Variants in SETD5 observed in about 807,000 individuals in gnomAD.
The protein encoded by SETD5 is histone-lysine N-methyltransferase SETD5.
SETD5 carries 44 observed loss-of-function variants against 153.3 expected under a neutral mutation model. The ratio of observed to expected loss-of-function variants is 0.29; its 90% CI spans 0.23 to 0.37. SETD5 has a LOEUF of 0.37. Ranked by LOEUF, SETD5 falls within the 10% of genes least tolerant of loss-of-function variation. SETD5 has a pLI of 1.00. For missense variants in SETD5, 1,544 were observed against 1,768.0 expected (o/e 0.87, Z 2.27); for synonymous variants, 716 against 645.2 (o/e 1.11, Z -1.66).
Position 9,473,436 on chromosome 3 carries a change from A to G in SETD5, c.3396A>G (p.Pro1132=). 2 of 1,613,892 alleles carry G rather than the reference A, an allele frequency of 1.2e-6. No homozygotes were observed. The highest frequency in any genetic ancestry group is 1.7e-6 in the Non-Finnish European group (2 of 1,179,868). Residue 1132 remains proline (P), a synonymous_variant, in exon 20 of 23, where the codon CCA becomes CCG. Coordinates refer to ENST00000402198, the MANE Select transcript of SETD5 (RefSeq NM_001080517.3). ...CTTCCCCTCACAAAAAATTCTCCCC[A>G]TCTCATTCCTCTATGTCCCATTTGG... ...TPSSPHKKFS[P]SHSSMSHLEA... is the part of the protein sequence containing the mutation.
rs150687653 is a variant in SETD5 at position 9,450,923 on chromosome 3, T to C, written c.2346+2293T>C. Among the ~76,000 whole-genome samples, 380 of 152,244 alleles carry C rather than the reference T, an allele frequency of 2.5e-3. 2 individuals are homozygous for C. The highest frequency in any genetic ancestry group is 9.4e-3 in the Admixed American group (144 of 15,290). The stretch of plus-strand genomic sequence containing the variant: ...CTGCAACTTCTGAAAAGAAGAGGAG[T>C]TCAGGTATTTGACAGAACATTTTAT... On this transcript the variant is annotated intron_variant, in intron 16 of 22. Transcript: ENST00000402198.
chr3:9,445,727 C>T lies in SETD5; in HGVS notation c.1511C>T (p.Ala504Val), dbSNP rs1400709966. The T allele has an allele frequency of 6.2e-7, 1 of 1,612,634 alleles. No individual in the cohort carries two copies. The highest frequency in any genetic ancestry group is 1.7e-5 in the Admixed American group (1 of 59,814). ...GTTATAGATGACCAGGAGAACCTAG[C>T]TCATAGCAGGAGGGTGAGTACTGTC... ...EEVIDDQENL[A>V]HSRRTREDRK... The change falls in exon 13 of 23, where the codon GCT becomes GTT. Residue 504 changes from alanine to valine, a missense_variant. Ala to Val is a moderately conservative substitution (Grantham distance 64). Coordinates refer to ENST00000402198, the MANE Select transcript of SETD5 (RefSeq NM_001080517.3).
chr3:9,400,872 A>C (rs2034658797), intron 1 of SETD5, among the ~76,000 whole-genome samples: 1 of 152,206 alleles, frequency 6.6e-6, no homozygotes, highest in Non-Finnish European at 1.5e-5. Flanking sequence ...CTGATTAAGC[A>C]AAACAGTCTG....
intron 7 of SETD5, among the ~76,000 whole-genome samples, chr3:9,438,090 G>A (rs2125137591): frequency 6.6e-6 from 1 of 152,168 alleles, no homozygotes; most frequent in East Asian, 1.9e-4. Context: ...AAAGATTACA[G>A]GTAGCACTTT....
chr3:9,402,204 T>C (rs949600822), intron 1 of SETD5, among the ~76,000 whole-genome samples: 16 of 152,120 alleles, frequency 1.1e-4, no homozygotes, highest in African/African-American at 3.6e-4. Flanking sequence ...CCCAGTAACT[T>C]TGGGGGGAGG....
At chr3:9,460,128 A>G (rs936825041) in intron 17 of SETD5, among the ~76,000 whole-genome samples, 2 of 152,234 alleles carry the variant, frequency 1.3e-5, no homozygotes, top group South Asian at 4.1e-4. Flanking sequence ...TACAAATACT[A>G]TTATCTACCT....
At chr3:9,410,593 C>T (rs2036411452) in intron 1 of SETD5, among the ~76,000 whole-genome samples, 3 of 152,096 alleles carry the variant, frequency 2.0e-5, no homozygotes, top group Non-Finnish European at 2.9e-5. Flanking sequence ...AGCTTCTATC[C>T]TAGTGTCTTC....
At chr3:9,436,851 C>T in intron 7 of SETD5, 1 of 1,550,110 alleles carries the variant, frequency 6.5e-7, no homozygotes, top group Non-Finnish European at 8.7e-7. Flanking sequence ...TTGGGATAGG[C>T]ATTTCGAGAG....
chr3:9,437,615 A>G (rs779827100), intron 7 of SETD5, among the ~76,000 whole-genome samples: 14 of 151,912 alleles, frequency 9.2e-5, no homozygotes, highest in Non-Finnish European at 1.6e-4. Flanking sequence ...AAAGCATTTA[A>G]ATAGAATTAA....
intron 18 of SETD5, among the ~76,000 whole-genome samples, chr3:9,468,775 T>C (rs982398200): frequency 1.3e-5 from 2 of 151,408 alleles, no homozygotes; most frequent in Non-Finnish European, 2.9e-5. Flanking sequence ...TGGAGGAAAA[T>C]GAAGGTAGGA....
At chr3:9,452,680 T>G (rs2125339353) in intron 16 of SETD5, among the ~76,000 whole-genome samples, 1 of 146,214 alleles carries the variant, frequency 6.8e-6, no homozygotes, top group African/African-American at 2.6e-5. Context: ...TTTTTTTTTT[T>G]TTTTGGTAAA....
chr3:9,441,718 G>C lies in SETD5; in HGVS notation c.936G>C (p.Glu312Asp). The stretch of plus-strand genomic sequence containing the variant: ...AAGTCATGTTACGACAGCAATTTGA[G>C]GTCAATGGGCATTTCTTCAAAAAGT... ...RGKVMLRQQF[E>D]VNGHFFKKPY... Residue 312 changes from glutamate (E) to aspartate (D), a missense_variant, in exon 9 of 23, where the codon GAG (glutamate) becomes GAC (aspartate). Physicochemically the swap from Glu to Asp is conservative, Grantham distance 45 (BLOSUM62 2). Transcript: ENST00000402198. 1 of 1,613,970 alleles carries C rather than the reference G, an allele frequency of 6.2e-7. No homozygotes were observed. Among genetic ancestry groups the C allele is most frequent in the Non-Finnish European group, 8.5e-7 (1 of 1,179,860 alleles).
intron 10 of SETD5, among the ~76,000 whole-genome samples, chr3:9,442,532 G>A (rs1447793750): frequency 6.6e-6 from 1 of 152,206 alleles, no homozygotes; most frequent in South Asian, 2.1e-4. Context: ...TAAAGAGATT[G>A]CCATACGGTG....
At position 9,446,054 on chromosome 3, in the gene SETD5, G is replaced by A. The variant is rs554243271; in HGVS notation, c.1524+314G>A. Among the ~76,000 whole-genome samples, 5 of 147,606 alleles carry A rather than the reference G, an allele frequency of 3.4e-5. No homozygotes were observed. In the East Asian group the frequency reaches 8.0e-4, roughly 24 times the overall value. On this transcript the variant is annotated intron_variant, in intron 13 of 22. Transcript: ENST00000402198. Reference sequence around the variant, plus strand: ...TGTAATCCCAGCACTTTGGGAGGGCGAGGTGGGCGGATCACGAGGTCAGGA... The same window carrying A: ...TGTAATCCCAGCACTTTGGGAGGGCAAGGTGGGCGGATCACGAGGTCAGGA...
At chr3:9,443,088 A>C (rs2041506314) in intron 10 of SETD5, 1 of 416,770 alleles carries the variant, frequency 2.4e-6, no homozygotes, top group African/African-American at 2.1e-5. Context: ...CTAACATCTC[A>C]AGGTTTCTCC....
chr3:9,455,952 G>A (rs2043185625), intron 17 of SETD5, among the ~76,000 whole-genome samples: 1 of 152,100 alleles, frequency 6.6e-6, no homozygotes, highest in Non-Finnish European at 1.5e-5. Flanking sequence ...AAGCAATGTA[G>A]GAAAATATTT....
In SETD5 at chr3:9,476,118, T is replaced by C. The variant is rs1214819415; in HGVS notation, c.*27T>C. ...GCTTCTGGATTTGGGCAAACAGAAC[T>C]GAATGAGCCCATAGCTGCTTCCTTC... On this transcript the variant is annotated 3_prime_UTR_variant, in exon 23 of 23. Transcript: ENST00000402198. 6.2e-7 allele frequency: 1 copy of C among 1,602,670 alleles called. No individual in the cohort carries two copies. The highest frequency in any genetic ancestry group is 1.3e-5 in the African/African-American group (1 of 74,612).
At chr3:9,464,835 G>A (rs2044370345) in intron 18 of SETD5, 163 bp downstream of exon 18, 5 of 1,112,564 alleles carry the variant, frequency 4.5e-6, no homozygotes, top group African/African-American at 1.5e-5. Context: ...TTACCTGGTA[G>A]CCTCTCATCT....
intron 20 of SETD5, 97 bp downstream of exon 20, chr3:9,473,634 TTGA>T (rs2045566530): frequency 4.8e-6 from 6 of 1,262,082 alleles, no homozygotes; most frequent in Non-Finnish European, 6.6e-6. Context: ...ATGGGAACAC[TTGA>T]TGGGAACATC....
Sources: allele counts gnomAD v4.1 joint callset (sites outside exome capture counted in the v4.1 genomes callset), GRCh38; gene constraint gnomAD v4.1.1; transcripts MANE v1.5; gene names NCBI Gene and HGNC (gene_info 2026-07-23, HGNC 2026-07-21).